C10orf90: variants seen among roughly 807,000 people sequenced by gnomAD.
The protein encoded by C10orf90 is (E2-independent) E3 ubiquitin-conjugating enzyme FATS.
In C10orf90, 56 loss-of-function variants were observed where a neutral mutation model predicts 62.5. That is an observed-to-expected ratio of 0.90 (90% CI 0.72 to 1.12). The LOEUF (loss-of-function observed/expected upper bound fraction) is 1.12. Ranked by LOEUF, C10orf90 falls within the 50% of genes most tolerant of loss-of-function variation. C10orf90 has a pLI of 0.00. For missense variants in C10orf90, 970 were observed against 880.4 expected (o/e 1.10, Z -1.29); for synonymous variants, 386 against 340.4 (o/e 1.13, Z -1.47).
At chr10:126,640,132 A>G (rs181027462) in intron 2 of C10orf90, among the ~76,000 whole-genome samples, 348 of 152,372 alleles carry the variant, frequency 2.3e-3, no homozygotes, top group Non-Finnish European at 4.2e-3. Flanking sequence ...TCCAGTGATC[A>G]GAAAAGCAAT....
At chr10:126,435,368 A>C (rs1358249265) in intron 7 of C10orf90, among the ~76,000 whole-genome samples, 11 of 152,234 alleles carry the variant, frequency 7.2e-5, no homozygotes, top group Admixed American at 7.2e-4. Flanking sequence ...TGGTTAAGGA[A>C]GGTAGATCAT....
At position 126,565,213 on chromosome 10, in the gene C10orf90, T is replaced by TA. The variant is rs1190617943; in HGVS notation, c.314-51275dup. On this transcript the variant is annotated intron_variant, in intron 2 of 9. Coordinates refer to ENST00000488181, the MANE Select transcript of C10orf90 (RefSeq NM_001350921.2). The stretch of plus-strand genomic sequence containing the variant: ...TATTTATATTACATATTATGTAATA[T>TA]AATTTTTATATTACATATTATGTAA... Among the ~76,000 whole-genome samples, 80 of 52,752 alleles carry TA rather than the reference T, an allele frequency of 1.5e-3. 2 individuals carry two copies. Among genetic ancestry groups the TA allele is most frequent in the African/African-American group, 4.7e-3 (69 of 14,616 alleles). 34.6% of individuals were successfully genotyped at this position (52,752 alleles called of 152,430 possible).
chr10:126,661,955 G>T (rs1846523937), intron 1 of C10orf90, among the ~76,000 whole-genome samples: 1 of 151,998 alleles, frequency 6.6e-6, no homozygotes, highest in African/African-American at 2.4e-5. Flanking sequence ...CATCATTAAT[G>T]AATCTGTTTT....
chr10:126,443,973 TC>T lies in C10orf90; in HGVS notation c.2189-14124del, dbSNP rs1858571063. Among the ~76,000 whole-genome samples, 4 of 152,182 alleles carry T rather than the reference TC, an allele frequency of 2.6e-5. No individual in the cohort carries two copies. The South Asian group carries it at 8.3e-4, about 32-fold the overall frequency. On this transcript the variant is annotated intron_variant, in intron 7 of 9. Coordinates refer to ENST00000488181, the MANE Select transcript of C10orf90 (RefSeq NM_001350921.2). ...AAAAAGCTTTTGGCAAAATCCAGCA[TC>T]ACTTTATGATTAAATCTCTCAGCAA...
intron 2 of C10orf90, among the ~76,000 whole-genome samples, chr10:126,515,454 T>C (rs1185810108): frequency 6.6e-6 from 1 of 152,200 alleles, no homozygotes. Flanking sequence ...TTCAGATATG[T>C]TTAGATATAC....
intron 2 of C10orf90, among the ~76,000 whole-genome samples, chr10:126,579,267 CTTTCTTTCTTTT>C (rs938725167): frequency 1.5e-5 from 2 of 130,372 alleles, no homozygotes; most frequent in Non-Finnish European, 3.3e-5. Flanking sequence ...TTCTTTCTTT[CTTTCTTTCTTTT>C]TTTTTTTTTT....
intron 2 of C10orf90, among the ~76,000 whole-genome samples, chr10:126,572,877 G>A (rs577668668): frequency 6.6e-6 from 1 of 151,974 alleles, no homozygotes; most frequent in Non-Finnish European, 1.5e-5. Context: ...ACCCAATATG[G>A]TCTTCAAAAA....
chr10:126,641,635 C>T (rs796834250), intron 2 of C10orf90, among the ~76,000 whole-genome samples: 10 of 152,104 alleles, frequency 6.6e-5, no homozygotes, highest in African/African-American at 2.4e-4. Flanking sequence ...ATAGACCAAG[C>T]AGTCTCATCG....
intron 2 of C10orf90, among the ~76,000 whole-genome samples, chr10:126,565,575 G>A (rs954097245): frequency 6.0e-5 from 9 of 150,110 alleles, no homozygotes; most frequent in Admixed American, 1.3e-4. Flanking sequence ...AAACTGGCAC[G>A]TTTCCAGTGA....
intron 2 of C10orf90, chr10:126,520,196 T>TCAC (rs1425263256): frequency 6.6e-6 from 1 of 152,262 alleles, no homozygotes; most frequent in African/African-American, 2.4e-5. Flanking sequence ...TTGCGTCAGT[T>TCAC]CACCTCCCTG....
intron 4 of C10orf90, among the ~76,000 whole-genome samples, chr10:126,483,745 G>T (rs1564823869): frequency 6.6e-6 from 1 of 152,180 alleles, no homozygotes; most frequent in Admixed American, 6.5e-5. Flanking sequence ...ACCCTTCAGA[G>T]GCCCCAGAGT....
chr10:126,665,165 C>A (rs1452992766), intron 1 of C10orf90, among the ~76,000 whole-genome samples: 2 of 152,138 alleles, frequency 1.3e-5, no homozygotes, highest in Admixed American at 1.3e-4. Flanking sequence ...AGCCTTTTCT[C>A]AGCCCTCCTC....
chr10:126,619,313 G>A (rs118100012), intron 2 of C10orf90, among the ~76,000 whole-genome samples: 2 of 152,244 alleles, frequency 1.3e-5, no homozygotes, highest in Non-Finnish European at 2.9e-5. Flanking sequence ...GAATATACAC[G>A]GGTGTTGAAT....
intron 7 of C10orf90, among the ~76,000 whole-genome samples, chr10:126,449,830 C>CTA (rs1397949359): frequency 6.6e-6 from 1 of 152,024 alleles, no homozygotes; most frequent in Non-Finnish European, 1.5e-5. Flanking sequence ...AACCCTGTCT[C>CTA]TACTAAAGAC....
intron 2 of C10orf90, among the ~76,000 whole-genome samples, chr10:126,552,767 A>G (rs1864665482): frequency 1.3e-5 from 2 of 152,276 alleles, no homozygotes; most frequent in African/African-American, 4.8e-5. Flanking sequence ...CTCTTGCTGC[A>G]TGGCGGGATA....
rs145809328 is a variant in C10orf90, at chr10:126,611,629, T to A, written c.313+34936A>T. On this transcript the variant is annotated intron_variant, in intron 2 of 9. Transcript: ENST00000488181. Reference sequence around the variant, plus strand: ...AGCAGTGTATGAGGATTTTAACTTCTTCAAACTCTTGTCAGCAAATATTAT... The same window carrying A: ...AGCAGTGTATGAGGATTTTAACTTCATCAAACTCTTGTCAGCAAATATTAT... 7.3e-3 allele frequency among the ~76,000 whole-genome samples: 1,119 copies of A among 152,360 alleles called. 11 individuals are homozygous for A. The highest frequency in any genetic ancestry group is 8.7e-3 in the Non-Finnish European group (595 of 68,042).
intron 2 of C10orf90, among the ~76,000 whole-genome samples, chr10:126,549,392 C>G (rs1164837108): frequency 2.6e-5 from 4 of 152,128 alleles, no homozygotes; most frequent in Non-Finnish European, 5.9e-5. Context: ...ACACAGATGG[C>G]AAATAAGCAT....
At position 126,504,946 on chromosome 10, in the gene C10orf90, T is replaced by C; in HGVS notation, c.545A>G (p.Lys182Arg). Residue 182 changes from lysine (K) to arginine (R), a missense_variant, in exon 4 of 10, where the codon AAG (lysine) becomes AGG (arginine). Transcript: ENST00000488181. The surrounding 1 kb of genome is among the most constrained non-coding windows in gnomAD (Gnocchi z 4.1). ...TCCGCTGCGGTTAGCCAGAGATTGC[T>C]TGGCGTGATGTGCACGAGACTGAGC... ...AIAQSRAHHA[K>R]QSLANRSGVN... 6.2e-7 allele frequency: 1 copy of C among 1,614,226 alleles called. No individual in the cohort carries two copies. The highest frequency in any genetic ancestry group is 8.5e-7 in the Non-Finnish European group (1 of 1,180,030).
intron 1 of C10orf90, among the ~76,000 whole-genome samples, chr10:126,662,234 C>T (rs1846530883): frequency 6.6e-6 from 1 of 152,192 alleles, no homozygotes; most frequent in African/African-American, 2.4e-5. Flanking sequence ...ACTACTAAGA[C>T]ATGACCCTCC....
Sources: gnomAD v4.1 joint callset for allele counts (sites outside exome capture counted in the v4.1 genomes callset) on GRCh38, gnomAD v4.1.1 for gene constraint, Gnocchi (gnomAD v3.1) non-coding constraint, MANE v1.5 for transcripts, NCBI Gene and HGNC (gene_info 2026-07-23, HGNC 2026-07-21) for gene names.